ZNF678: variants seen among roughly 807,000 people sequenced by gnomAD.
ZNF678 encodes hypothetical protein MGC42493.
In ZNF678, 5 loss-of-function variants were observed where a neutral mutation model predicts 3.0. The observed-to-expected ratio is 1.69, with a 90% CI of 0.88 to 3.56. The LOEUF is 3.56. ZNF678 is among the 30% of genes most tolerant of loss of function. The pLI is 0.00. For synonymous variants in ZNF678, 218 were observed against 199.6 expected (o/e 1.09, Z -0.78); for missense variants, 593 against 605.0 (o/e 0.98, Z 0.21).
chr1:227,585,081 A>C (rs1008395794), intron 1 of ZNF678, among the ~76,000 whole-genome samples: 9 of 152,176 alleles, frequency 5.9e-5, no homozygotes, highest in African/African-American at 1.7e-4. Flanking sequence ...AGAAGAGACA[A>C]ATTTTTTCTA....
intron 1 of ZNF678, among the ~76,000 whole-genome samples, chr1:227,571,742 T>C (rs80108149): frequency 0.014 from 2,095 of 151,414 alleles, 53 homozygotes; most frequent in African/African-American, 0.048. Flanking sequence ...TATTGTCCTA[T>C]CAGGCTAAAG....
Position 227,578,184 on chromosome 1 carries a change from C to G in ZNF678, c.-164+14460C>G, listed in dbSNP as rs115332500. On this transcript the variant is annotated intron_variant, in intron 1 of 3. Coordinates refer to ENST00000343776, the MANE Select transcript of ZNF678 (RefSeq NM_001367909.1). ...GTCTTTAACATTTTTCCTTTTATTT[C>G]AACCTCAGAGAATCTGATGATTATA... 4.0e-3 allele frequency among the ~76,000 whole-genome samples: 611 copies of G among 152,282 alleles called. 5 individuals carry two copies. Among genetic ancestry groups the G allele is most frequent in the African/African-American group, 0.014 (564 of 41,548 alleles).
In ZNF678 at chr1:227,563,659, C is replaced by G; in HGVS notation, c.-229C>G. 2.3e-6 allele frequency: 3 copies of G among 1,322,492 alleles called. No individual in the cohort carries two copies. The highest frequency in any genetic ancestry group is 3.0e-6 in the Non-Finnish European group (3 of 997,754). 81.9% of individuals were successfully genotyped at this position (1,322,492 alleles called of 1,614,324 possible). A position where few individuals can be genotyped will look rare whatever the true frequency, so the allele number is the denominator to read the frequency against. ...TCTGCTGCTGCAGTGTCTGGTTTCCCTGTGACCTGCAGGTACTGGGAGTTA... is the reference window on the plus strand; with the variant it reads ...TCTGCTGCTGCAGTGTCTGGTTTCCGTGTGACCTGCAGGTACTGGGAGTTA... On this transcript the variant is annotated 5_prime_UTR_variant, in exon 1 of 4. Coordinates refer to ENST00000343776, the MANE Select transcript of ZNF678 (RefSeq NM_001367909.1).
intron 5 of ZNF678, among the ~76,000 whole-genome samples, chr1:227,671,905 A>G (rs1486181089): frequency 6.6e-6 from 1 of 152,184 alleles, no homozygotes; most frequent in Non-Finnish European, 1.5e-5. Context: ...AAAAAATAGG[A>G]CATGTGGTTC....
At chr1:227,595,576 T>C (rs1657561325) in intron 1 of ZNF678, among the ~76,000 whole-genome samples, 1 of 152,056 alleles carries the variant, frequency 6.6e-6, no homozygotes. Flanking sequence ...CCTAGTAGGG[T>C]GGGCTTATTT....
chr1:227,591,737 A>C (rs892055795), intron 1 of ZNF678, among the ~76,000 whole-genome samples: 1 of 152,272 alleles, frequency 6.6e-6, no homozygotes, highest in Non-Finnish European at 1.5e-5. Context: ...ACATTGTACA[A>C]ACAAGTTCTT....
At chr1:227,611,011 C>T (rs990414632) in intron 1 of ZNF678, among the ~76,000 whole-genome samples, 6 of 152,192 alleles carry the variant, frequency 3.9e-5, no homozygotes, top group African/African-American at 1.4e-4. Context: ...GTTCAGAATT[C>T]CTCTGCAACT....
intron 1 of ZNF678, among the ~76,000 whole-genome samples, chr1:227,610,974 T>A (rs534515039): frequency 1.3e-5 from 2 of 152,324 alleles, no homozygotes; most frequent in Non-Finnish European, 2.9e-5. Context: ...TCTCCTTACA[T>A]CAGACATTGT....
At chr1:227,599,070 T>C in intron 1 of ZNF678, 1 of 1,597,742 alleles carries the variant, frequency 6.3e-7, no homozygotes, top group Non-Finnish European at 8.6e-7. Flanking sequence ...TCCTGTATTG[T>C]TGGCCCTGAA....
At chr1:227,599,804 ATTATTTTTTCT>A (rs1317636211) in intron 1 of ZNF678, among the ~76,000 whole-genome samples, 17 of 152,218 alleles carry the variant, frequency 1.1e-4, no homozygotes, top group Admixed American at 2.0e-4. Context: ...ATTCAGCTTT[ATTATTTTTTCT>A]TTATTTTTTT....
At chr1:227,616,997 G>A (rs73092661) in intron 1 of ZNF678, among the ~76,000 whole-genome samples, 1,644 of 152,286 alleles carry the variant, frequency 0.011, 34 homozygotes, top group African/African-American at 0.038. Flanking sequence ...AGATCCCATG[G>A]TGCTTGAGGT....
chr1:227,636,487 C>T (rs961686529), intron 1 of ZNF678, among the ~76,000 whole-genome samples: 5 of 152,146 alleles, frequency 3.3e-5, no homozygotes, highest in African/African-American at 1.2e-4. Flanking sequence ...ATCTCTAGAA[C>T]AGCCTGTAGT....
chr1:227,603,884 A>G (rs1657798631), intron 1 of ZNF678, among the ~76,000 whole-genome samples: 1 of 152,158 alleles, frequency 6.6e-6, no homozygotes, highest in Non-Finnish European at 1.5e-5. Flanking sequence ...ATTAATCTCC[A>G]TTCTATCTGT....
At chr1:227,590,920 G>C (rs1251159173) in intron 1 of ZNF678, among the ~76,000 whole-genome samples, 2 of 151,614 alleles carry the variant, frequency 1.3e-5, no homozygotes, top group Non-Finnish European at 2.9e-5. Flanking sequence ...GAGGCTTTTA[G>C]GACCTAGAAG....
At chr1:227,642,521 C>A (rs1419418734) in intron 1 of ZNF678, among the ~76,000 whole-genome samples, 1 of 152,114 alleles carries the variant, frequency 6.6e-6, no homozygotes, top group Non-Finnish European at 1.5e-5. Flanking sequence ...TTTCCTCTTA[C>A]CCAAGAGTTA....
intron 5 of ZNF678, among the ~76,000 whole-genome samples, chr1:227,671,014 A>G (rs1367694222): frequency 6.9e-6 from 1 of 144,682 alleles, no homozygotes; most frequent in African/African-American, 2.6e-5. Flanking sequence ...TAGATGTCTC[A>G]GGTTTACTGG....
chr1:227,605,031 A>G (rs777597744), intron 1 of ZNF678, among the ~76,000 whole-genome samples: 2 of 151,664 alleles, frequency 1.3e-5, no homozygotes, highest in Non-Finnish European at 2.9e-5. Flanking sequence ...AATTTTTTGT[A>G]TTTTTAGTAG....
At chr1:227,678,630 A>G (rs73099302), downstream of ZNF678, among the ~76,000 whole-genome samples, 2 of 152,138 alleles carry the variant, frequency 1.3e-5, no homozygotes, top group Admixed American at 1.3e-4. Context: ...TTACCATCCA[A>G]TGGGACTAGG....
chr1:227,584,921 A>AGGTAATTTGCTACAAC (rs1434056804), intron 1 of ZNF678, among the ~76,000 whole-genome samples: 1 of 152,232 alleles, frequency 6.6e-6, no homozygotes, highest in African/African-American at 2.4e-5. Flanking sequence ...TGACTTTTCA[A>AGGTAATTTGCTACAAC]GGTAATTTGC....
Sources: gnomAD v4.1 joint callset for allele counts (sites outside exome capture counted in the v4.1 genomes callset) on GRCh38, gnomAD v4.1.1 for gene constraint, MANE v1.5 for transcripts, NCBI Gene and HGNC (gene_info 2026-07-23, HGNC 2026-07-21) for gene names.